The following PCDH15 variants were observed in gnomAD, a reference collection of about 807,000 sequenced individuals.
PCDH15 encodes the protein protocadherin-15.
PCDH15 carries 129 observed loss-of-function variants against 178.5 expected under a neutral mutation model. The ratio of observed to expected loss-of-function variants is 0.72; its 90% CI spans 0.63 to 0.84. The LOEUF (loss-of-function observed/expected upper bound fraction) is 0.84. Among genes scored for constraint, PCDH15 ranks in the 40% least tolerant of loss-of-function variants. PCDH15 has a pLI of 0.00. For missense variants in PCDH15, 2,230 were observed against 2,099.9 expected (o/e 1.06, Z -1.21); for synonymous variants, 800 against 732.0 (o/e 1.09, Z -1.50).
intron 13 of PCDH15, among the ~76,000 whole-genome samples, chr10:54,165,801 G>T (rs1438521914): frequency 6.6e-6 from 1 of 152,038 alleles, no homozygotes; most frequent in Non-Finnish European, 1.5e-5. Context: ...ATAAATAATT[G>T]GATCCATTTA....
chr10:54,986,555 A>G (rs527750211), intron 2 of PCDH15, among the ~76,000 whole-genome samples: 2 of 152,194 alleles, frequency 1.3e-5, no homozygotes, highest in Non-Finnish European at 2.9e-5. Context: ...CTAAGTTAGT[A>G]ATTATATTAA....
chr10:54,537,358 C>G (rs574258931), intron 2 of PCDH15, among the ~76,000 whole-genome samples: 199 of 152,202 alleles, frequency 1.3e-3, no homozygotes, highest in Non-Finnish European at 1.9e-3. Flanking sequence ...AATAGAAGAG[C>G]TGGTATCAAG....
chr10:54,112,475 A>G (rs2095043940), intron 15 of PCDH15, among the ~76,000 whole-genome samples: 1 of 152,150 alleles, frequency 6.6e-6, no homozygotes, highest in African/African-American at 2.4e-5. Context: ...ATTATCTGTC[A>G]TAGAGTCCAA....
intron 9 of PCDH15, among the ~76,000 whole-genome samples, chr10:54,234,386 C>T (rs1168571601): frequency 6.6e-6 from 1 of 151,956 alleles, no homozygotes; most frequent in Non-Finnish European, 1.5e-5. Context: ...TTTGTTAATC[C>T]TATATTAAAG....
intron 8 of PCDH15, among the ~76,000 whole-genome samples, chr10:54,244,951 T>C (rs1300080016): frequency 6.6e-6 from 1 of 152,192 alleles, no homozygotes. Context: ...TCAATGATAA[T>C]AATGATATGG....
intron 3 of PCDH15, among the ~76,000 whole-genome samples, chr10:54,449,997 G>C (rs2076368313): frequency 6.6e-6 from 1 of 151,644 alleles, no homozygotes; most frequent in Non-Finnish European, 1.5e-5. Context: ...GAAAAGCCTA[G>C]ATCCTCCCAA....
Position 55,560,173 on chromosome 10 carries a change from C to A in PCDH15, c.-156+67452G>T, listed in dbSNP as rs77255824. Among the ~76,000 whole-genome samples, 702 of 151,854 alleles carry A rather than the reference C, an allele frequency of 4.6e-3. 6 individuals carry two copies. Among genetic ancestry groups the A allele is most frequent in the African/African-American group, 0.016 (669 of 41,460 alleles). On this transcript the variant is annotated intron_variant, in intron 2 of 5. Coordinates refer to the PCDH15 transcript ENST00000613346. ...ATTAAATTTCTGTAATAATTTAGGT[C>A]CAGGAAAAAATGTATAGTGATTTTC... is the stretch of plus-strand genomic sequence containing the variant.
intron 2 of PCDH15, among the ~76,000 whole-genome samples, chr10:55,605,769 G>C (rs1589176664): frequency 3.1e-5 from 2 of 65,558 alleles, no homozygotes; most frequent in Admixed American, 3.5e-4. Context: ...AGCTATCTAT[G>C]ACAAACCCAC....
chr10:55,359,751 C>T (rs201432375), intron 2 of PCDH15, among the ~76,000 whole-genome samples: 2,755 of 67,536 alleles, frequency 0.041, 70 homozygotes, highest in African/African-American at 0.11. Flanking sequence ...TATATATACA[C>T]ACACACACAC....
In PCDH15 at chr10:54,952,871, T is replaced by C. The variant is rs184079854; in HGVS notation, c.-79-55371A>G. Among the ~76,000 whole-genome samples, 432 of 151,728 alleles carry C rather than the reference T, an allele frequency of 2.8e-3. 1 individual carries two copies. The highest frequency in any genetic ancestry group is 4.8e-3 in the Non-Finnish European group (322 of 67,634). ...ATCTTGCAAACTTGCTATATTCACATATAGTTTCAGAAGGGTTTTTTGTTG... is the reference window on the plus strand; with the variant it reads ...ATCTTGCAAACTTGCTATATTCACACATAGTTTCAGAAGGGTTTTTTGTTG... On this transcript the variant is annotated intron_variant, in intron 2 of 5. Coordinates refer to the PCDH15 transcript ENST00000458638.
chr10:55,602,354 G>A (rs534147663), intron 2 of PCDH15, among the ~76,000 whole-genome samples: 22 of 70,526 alleles, frequency 3.1e-4, no homozygotes, highest in African/African-American at 4.7e-4. Context: ...TAAAAAAAGC[G>A]GCTGGGAAGC....
At chr10:54,935,041 G>A (rs1311199974) in intron 2 of PCDH15, among the ~76,000 whole-genome samples, 1 of 150,840 alleles carries the variant, frequency 6.6e-6, no homozygotes, top group African/African-American at 2.4e-5. Context: ...GAGAACACAT[G>A]GACACAGGAA....
chr10:53,835,280 C>G (rs2077240932), intron 29 of PCDH15, among the ~76,000 whole-genome samples: 1 of 152,110 alleles, frequency 6.6e-6, no homozygotes, highest in Non-Finnish European at 1.5e-5. Context: ...CTGCCTTCTC[C>G]ATCTTTCTCT....
rs2060598531 is a variant in PCDH15 at position 54,307,122 on chromosome 10, AT to A, written c.876+10148del. Among the ~76,000 whole-genome samples, 6 of 63,196 alleles carry A rather than the reference AT, an allele frequency of 9.5e-5. 1 individual carries two copies. The highest frequency in any genetic ancestry group is 4.0e-4 in the African/African-American group (6 of 15,152). The allele number at this position is 63,196 out of a possible 152,430, so 41.5% of individuals were successfully genotyped here. On this transcript the variant is annotated intron_variant, in intron 8 of 37. Transcript: ENST00000644397. ...TGTGTGTGTATATATATATATATATATATATATATATATATATATATATATA... is the reference window on the plus strand; with the variant it reads ...TGTGTGTGTATATATATATATATATAATATATATATATATATATATATATA...
chr10:54,677,603 G>A (rs1477314951), intron 1 of PCDH15, among the ~76,000 whole-genome samples: 1 of 152,094 alleles, frequency 6.6e-6, no homozygotes, highest in Non-Finnish European at 1.5e-5. Flanking sequence ...AATTAAAGCT[G>A]ATTGAGAAAT....
At chr10:54,709,975 G>T (rs1040405988) in intron 1 of PCDH15, among the ~76,000 whole-genome samples, 6 of 149,178 alleles carry the variant, frequency 4.0e-5, no homozygotes, top group African/African-American at 1.2e-4. Flanking sequence ...TGTAATATAT[G>T]TAATAAATAT....
chr10:54,183,133 C>T (rs567820893), intron 13 of PCDH15, among the ~76,000 whole-genome samples: 25 of 152,100 alleles, frequency 1.6e-4, no homozygotes, highest in Non-Finnish European at 2.9e-4. Context: ...AGGCATGCGC[C>T]ACCATACCCG....
chr10:54,391,527 A>C (rs894002444), intron 3 of PCDH15, among the ~76,000 whole-genome samples: 5 of 152,108 alleles, frequency 3.3e-5, no homozygotes, highest in Non-Finnish European at 7.4e-5. Context: ...GTATAGGGGA[A>C]CTATAAGAGG....
chr10:55,444,645 G>C (rs971028486), intron 2 of PCDH15, among the ~76,000 whole-genome samples: 2 of 152,092 alleles, frequency 1.3e-5, no homozygotes, highest in African/African-American at 4.8e-5. Context: ...AAGTTTATTA[G>C]AAATTAGAAT....
Sources: gnomAD v4.1 joint callset for allele counts (sites outside exome capture counted in the v4.1 genomes callset) on GRCh38, gnomAD v4.1.1 for gene constraint, MANE v1.5 for transcripts, NCBI Gene and HGNC (gene_info 2026-07-23, HGNC 2026-07-21) for gene names.